TSHZ3: variants seen among roughly 807,000 people sequenced by gnomAD.
The protein encoded by TSHZ3 is teashirt zinc finger homeobox 3.
Under a neutral mutation model 64.5 loss-of-function variants are expected in TSHZ3, and 10 were observed. The observed-to-expected ratio is 0.16, with a 90% CI of 0.10 to 0.26. The LOEUF (loss-of-function observed/expected upper bound fraction) is 0.26, where lower values mean the gene tolerates loss of function less well. Among genes scored for constraint, TSHZ3 ranks in the 10% least tolerant of loss-of-function variants. The pLI, the probability that TSHZ3 is intolerant of heterozygous loss-of-function variation, is 1.00. For missense variants in TSHZ3, 1,242 were observed against 1,421.7 expected (o/e 0.87, Z 2.03); for synonymous variants, 608 against 593.1 (o/e 1.03, Z -0.36).
Position 31,277,217 on chromosome 19 carries a change from G to T in TSHZ3, c.2576C>A (p.Thr859Lys). The T allele has an allele frequency of 1.9e-6, 3 of 1,614,186 alleles. No homozygotes were observed. Among genetic ancestry groups the T allele is most frequent in the Non-Finnish European group, 2.5e-6 (3 of 1,180,030 alleles). ...DMLKNLTESH[T>K]SKSSTPSSIS... ...GCTGGAAGGAGTGGAGGATTTTGACGTGTGGCTCTCTGTCAAGTTCTTCAG... is the reference window on the plus strand; with the variant it reads ...GCTGGAAGGAGTGGAGGATTTTGACTTGTGGCTCTCTGTCAAGTTCTTCAG... The change falls in exon 2 of 2, where the codon ACG becomes AAG. Residue 859 changes from threonine to lysine, a missense_variant. Thr to Lys is a moderately conservative substitution (Grantham distance 78). Coordinates refer to ENST00000240587, the MANE Select transcript of TSHZ3 (RefSeq NM_020856.4). This position sits in a 1 kb window ranked among gnomAD's most constrained non-coding sequence, Gnocchi z 4.5.
At chr19:31,292,530 A>G (rs967500314) in intron 1 of TSHZ3, among the ~76,000 whole-genome samples, 10 of 152,174 alleles carry the variant, frequency 6.6e-5, no homozygotes, top group African/African-American at 1.9e-4. Context: ...TAAAAGAGCT[A>G]TATCCAAGGG....
intron 1 of TSHZ3, among the ~76,000 whole-genome samples, chr19:31,254,480 GAAATATA>G (rs1223683227): frequency 6.6e-6 from 1 of 152,210 alleles, no homozygotes; most frequent in Non-Finnish European, 1.5e-5. Context: ...CCCCGGGGCT[GAAATATA>G]AAACACGCTG....
intron 5 of TSHZ3, among the ~76,000 whole-genome samples, chr19:31,202,402 T>C (rs189720003): frequency 0.015 from 2,215 of 152,228 alleles, 46 homozygotes; most frequent in African/African-American, 0.051. Flanking sequence ...TATATGTATA[T>C]TTCTTTTTTT....
rs887825630 is a variant in TSHZ3 at position 31,340,026 on chromosome 19, C to T, written c.40+9154G>A. ...TAAAAATTAGCATGTTTGAAGTAATCGTCCCGCAGCTTGACATCTGCATAG... is the reference window on the plus strand; with the variant it reads ...TAAAAATTAGCATGTTTGAAGTAATTGTCCCGCAGCTTGACATCTGCATAG... On this transcript the variant is annotated intron_variant, in intron 1 of 1. Transcript: ENST00000240587. Among the ~76,000 whole-genome samples, 5 of 151,908 alleles carry T rather than the reference C, an allele frequency of 3.3e-5. No individual in the cohort carries two copies. In the East Asian group the frequency reaches 7.8e-4, roughly 24 times the overall value.
chr19:31,303,408 G>C (rs908258992), intron 1 of TSHZ3, among the ~76,000 whole-genome samples: 1 of 152,220 alleles, frequency 6.6e-6, no homozygotes, highest in South Asian at 2.1e-4. Context: ...GCTCACCGGA[G>C]ACGCACTTGG....
chr19:31,218,171 A>G (rs1490120423), intron 4 of TSHZ3, among the ~76,000 whole-genome samples: 1 of 152,278 alleles, frequency 6.6e-6, no homozygotes, highest in Non-Finnish European at 1.5e-5. Context: ...CCTGCTATCC[A>G]AAGTGTACAA....
chr19:31,181,402 G>A (rs1382597684), intron 5 of TSHZ3, among the ~76,000 whole-genome samples: 1 of 152,110 alleles, frequency 6.6e-6, no homozygotes, highest in Non-Finnish European at 1.5e-5. Context: ...TGTTTTGGAA[G>A]ATGTACCATC....
At chr19:31,179,819 T>C (rs1974680885) in intron 5 of TSHZ3, among the ~76,000 whole-genome samples, 1 of 117,928 alleles carries the variant, frequency 8.5e-6, no homozygotes, top group African/African-American at 4.3e-5. Context: ...ATGGTGGTGG[T>C]GATGATGGAG....
At position 31,278,971 on chromosome 19, in the gene TSHZ3, C is replaced by T. The variant is rs763611766; in HGVS notation, c.822G>A (p.Val274=). The change falls in exon 2 of 2, where the codon GTG becomes GTA. Residue 274 remains valine (V), a synonymous_variant. Transcript: ENST00000240587. The surrounding 1 kb of genome is among the most constrained non-coding windows in gnomAD (Gnocchi z 4.7). ...AGTGGCCACAGTACATGCACTTCAG[C>T]ACCTTCTGGGCGTCTTCCTTCCCTT... ...EMEGKEDAQK[V]LKCMYCGHSF... 5.6e-6 allele frequency: 9 copies of T among 1,614,184 alleles called. No individual in the cohort carries two copies. In the South Asian group the frequency reaches 8.8e-5, roughly 16 times the overall value.
chr19:31,206,562 G>C (rs1172530047), intron 4 of TSHZ3, among the ~76,000 whole-genome samples: 1 of 152,154 alleles, frequency 6.6e-6, no homozygotes, highest in Non-Finnish European at 1.5e-5. Context: ...ATGTCCTTCA[G>C]CTGTCTTATA....
At chr19:31,314,837 G>A (rs2145159155) in intron 1 of TSHZ3, among the ~76,000 whole-genome samples, 1 of 152,308 alleles carries the variant, frequency 6.6e-6, no homozygotes, top group African/African-American at 2.4e-5. Flanking sequence ...GGAATTTGGG[G>A]GCACAGCTCC....
intron 1 of TSHZ3, among the ~76,000 whole-genome samples, chr19:31,283,698 G>C (rs1246683227): frequency 2.0e-5 from 3 of 152,208 alleles, no homozygotes; most frequent in Non-Finnish European, 4.4e-5. Flanking sequence ...GAGCTGTAAA[G>C]TCGCTTAATC....
chr19:31,238,552 G>A (rs908744407), intron 3 of TSHZ3, among the ~76,000 whole-genome samples: 6 of 152,018 alleles, frequency 3.9e-5, no homozygotes, highest in South Asian at 2.1e-4. Flanking sequence ...CATTGTGCCC[G>A]GCTATGAATT....
At chr19:31,253,608 C>A (rs1568360414) in intron 1 of TSHZ3, among the ~76,000 whole-genome samples, 1 of 152,064 alleles carries the variant, frequency 6.6e-6, no homozygotes, top group African/African-American at 2.4e-5. Flanking sequence ...GCAATCCTCC[C>A]CCTTCAGCCT....
chr19:31,318,643 T>A (rs1304551578), intron 1 of TSHZ3, among the ~76,000 whole-genome samples: 6 of 152,112 alleles, frequency 3.9e-5, no homozygotes, highest in African/African-American at 1.4e-4. Context: ...GTATCATGAA[T>A]AAAAGAACAA....
At chr19:31,296,834 C>A (rs1029608969) in intron 1 of TSHZ3, among the ~76,000 whole-genome samples, 7 of 152,230 alleles carry the variant, frequency 4.6e-5, no homozygotes, top group Admixed American at 3.3e-4. Flanking sequence ...GGAACAGGGG[C>A]CTCAGGTGCC....
At chr19:31,309,994 C>G (rs1413161786) in intron 1 of TSHZ3, among the ~76,000 whole-genome samples, 1 of 152,176 alleles carries the variant, frequency 6.6e-6, no homozygotes, top group Non-Finnish European at 1.5e-5. Flanking sequence ...TAAACATCTG[C>G]TCAAATTGTT....
chr19:31,330,474 G>A (rs1917049812), intron 1 of TSHZ3, among the ~76,000 whole-genome samples: 1 of 152,236 alleles, frequency 6.6e-6, no homozygotes. Context: ...GGGAGGAGCA[G>A]GTCAGTGGCC....
chr19:31,291,761 G>A lies in TSHZ3; in HGVS notation c.41-12009C>T, dbSNP rs569035883. 9.2e-4 allele frequency among the ~76,000 whole-genome samples: 140 copies of A among 152,312 alleles called. 1 individual carries two copies. The highest frequency in any genetic ancestry group is 2.6e-3 in the Admixed American group (40 of 15,296). On this transcript the variant is annotated intron_variant, in intron 1 of 1. Transcript: ENST00000240587. ...TGGTGGAAGCCCGCACCTGTCTGCTGTCATGGGGAGTCCATACACTCACTC... is the reference window on the plus strand; with the variant it reads ...TGGTGGAAGCCCGCACCTGTCTGCTATCATGGGGAGTCCATACACTCACTC...
Sources: gnomAD v4.1 joint callset for allele counts (sites outside exome capture counted in the v4.1 genomes callset) on GRCh38, gnomAD v4.1.1 for gene constraint, Gnocchi (gnomAD v3.1) non-coding constraint, MANE v1.5 for transcripts, NCBI Gene and HGNC (gene_info 2026-07-23, HGNC 2026-07-21) for gene names.